The following FER variants were observed in gnomAD, a reference collection of about 807,000 sequenced individuals.
The protein encoded by FER is tyrosine-protein kinase Fer.
A neutral mutation model predicts 111.0 loss-of-function variants in FER; 63 were observed. That is an observed-to-expected ratio of 0.57 (90% confidence interval 0.46 to 0.70). The LOEUF is 0.70. Among genes scored for constraint, FER ranks in the 30% least tolerant of loss-of-function variants. The pLI is 0.00. For synonymous variants in FER, 327 were observed against 313.9 expected (o/e 1.04, Z -0.44); for missense variants, 914 against 954.0 (o/e 0.96, Z 0.55).
At chr5:109,020,582 G>T (rs1157001774) in intron 13 of FER, among the ~76,000 whole-genome samples, 2 of 151,824 alleles carry the variant, frequency 1.3e-5, no homozygotes, top group African/African-American at 4.8e-5. Context: ...ACTAAAATTG[G>T]CTTGCTGGAA....
intron 17 of FER, among the ~76,000 whole-genome samples, chr5:109,163,111 G>A (rs1192743648): frequency 6.6e-6 from 1 of 151,934 alleles, no homozygotes; most frequent in African/African-American, 2.4e-5. Context: ...CTAAATGATC[G>A]ACATTTAGAT....
At chr5:109,096,474 G>GC (rs1747526286) in intron 16 of FER, among the ~76,000 whole-genome samples, 3 of 151,812 alleles carry the variant, frequency 2.0e-5, no homozygotes, top group Admixed American at 2.0e-4. Context: ...GTCACCAATG[G>GC]CTAGTATCTT....
At chr5:108,900,167 T>C (rs1463382814) in intron 10 of FER, among the ~76,000 whole-genome samples, 2 of 152,206 alleles carry the variant, frequency 1.3e-5, no homozygotes, top group African/African-American at 4.8e-5. Flanking sequence ...TAAATTAATA[T>C]TTTACAAATA....
chr5:109,170,035 T>C (rs1310380464), intron 17 of FER, among the ~76,000 whole-genome samples: 3 of 152,212 alleles, frequency 2.0e-5, no homozygotes, highest in Non-Finnish European at 4.4e-5. Context: ...TAAATGTTCT[T>C]GAGGCTCATT....
intron 5 of FER, among the ~76,000 whole-genome samples, chr5:108,859,782 T>C (rs1256138809): frequency 2.0e-5 from 3 of 152,078 alleles, no homozygotes; most frequent in Admixed American, 6.5e-5. Flanking sequence ...GTGTTTTATA[T>C]TGAATTTTTA....
At chr5:109,048,987 T>G (rs1043296965) in intron 16 of FER, among the ~76,000 whole-genome samples, 1 of 152,334 alleles carries the variant, frequency 6.6e-6, no homozygotes, top group Middle Eastern at 3.4e-3. Context: ...GTGGATAGTT[T>G]GGTCATTTTT....
At chr5:108,881,800 A>G (rs1289041301) in intron 8 of FER, among the ~76,000 whole-genome samples, 1 of 151,988 alleles carries the variant, frequency 6.6e-6, no homozygotes, top group African/African-American at 2.4e-5. Flanking sequence ...TCCCATCATG[A>G]GGGCCCCACC....
chr5:109,008,252 T>C (rs114987782), intron 13 of FER, among the ~76,000 whole-genome samples: 6 of 152,354 alleles, frequency 3.9e-5, no homozygotes, highest in Admixed American at 6.5e-5. Context: ...ATGGTAATTA[T>C]TCTTCCTGAC....
chr5:108,783,849 G>C (rs2150002724), intron 2 of FER, among the ~76,000 whole-genome samples: 1 of 152,260 alleles, frequency 6.6e-6, no homozygotes, highest in Middle Eastern at 3.4e-3. Flanking sequence ...CTGCTACCCT[G>C]ATGTCTCTGG....
At chr5:108,755,767 T>G (rs1307459024) in intron 1 of FER, among the ~76,000 whole-genome samples, 1 of 150,814 alleles carries the variant, frequency 6.6e-6, no homozygotes, top group Non-Finnish European at 1.5e-5. Context: ...ATTACAGGCA[T>G]GAGCCACAGT....
At chr5:108,848,160 A>G (rs771519255) in intron 5 of FER, among the ~76,000 whole-genome samples, 2 of 152,174 alleles carry the variant, frequency 1.3e-5, no homozygotes, top group Non-Finnish European at 2.9e-5. Context: ...GAGTACAGGT[A>G]TGAGCCACCA....
chr5:109,092,287 A>G (rs1746888836), intron 16 of FER, among the ~76,000 whole-genome samples: 1 of 78,612 alleles, frequency 1.3e-5, no homozygotes, highest in Non-Finnish European at 2.8e-5. Flanking sequence ...ATGATGGCAA[A>G]AAAAAAAAAA....
chr5:109,019,881 G>T (rs1250434523), intron 13 of FER, among the ~76,000 whole-genome samples: 5 of 151,702 alleles, frequency 3.3e-5, no homozygotes, highest in African/African-American at 1.2e-4. Flanking sequence ...AATGCTGATG[G>T]TAACAATATA....
rs373300790 is a variant in FER at position 108,918,944 on chromosome 5, C to G, written c.1236+21096C>G. Reference sequence around the variant, plus strand: ...ATTCTATACTTGTTTGAGGCTAGATCTGTAAAATTAGTAGGATTTGTTAGT... The same window carrying G: ...ATTCTATACTTGTTTGAGGCTAGATGTGTAAAATTAGTAGGATTTGTTAGT... On this transcript the variant is annotated intron_variant, in intron 10 of 19. Transcript: ENST00000281092. 3.9e-5 allele frequency among the ~76,000 whole-genome samples: 6 copies of G among 152,278 alleles called. No homozygotes were observed. The South Asian group carries it at 6.2e-4, about 16-fold the overall frequency.
In FER at chr5:108,789,852, C is replaced by T. The variant is rs375739419; in HGVS notation, c.-59-8272C>T. Among the ~76,000 whole-genome samples, 146 of 152,216 alleles carry T rather than the reference C, an allele frequency of 9.6e-4. No homozygotes were observed. The South Asian group carries it at 9.8e-3, about 10-fold the overall frequency. On this transcript the variant is annotated intron_variant, in intron 2 of 19. Transcript: ENST00000281092. Reference sequence around the variant, plus strand: ...TCCTGACCTCAAGTGATCCACCTGCCTCAGCCTCCCAAAATGCTGGGATTA... The same window carrying T: ...TCCTGACCTCAAGTGATCCACCTGCTTCAGCCTCCCAAAATGCTGGGATTA...
rs1416803438 is a variant in FER, at chr5:109,194,562, T to C, written c.*6987T>C. The C allele has an allele frequency of 1.3e-5, 2 of 152,172 alleles. No individual in the cohort carries two copies. The highest frequency in any genetic ancestry group is 2.4e-5 in the African/African-American group (1 of 41,434). 9.4% of individuals were successfully genotyped at this position (152,172 alleles called of 1,614,324 possible). A position where few individuals can be genotyped will look rare whatever the true frequency, so the allele number is the denominator to read the frequency against. ...TTCAAATTGTAACCAAAGAAGACAA[T>C]AGAAATCCCACTTTACCCCACTGTC... On this transcript the variant is annotated 3_prime_UTR_variant, in exon 20 of 20. Coordinates refer to ENST00000281092, the MANE Select transcript of FER (RefSeq NM_005246.4).
chr5:108,771,800 T>C (rs1177819396), intron 2 of FER, among the ~76,000 whole-genome samples: 1 of 152,210 alleles, frequency 6.6e-6, no homozygotes, highest in Non-Finnish European at 1.5e-5. Context: ...CTTAAAACTT[T>C]TAGCATGCAG....
At chr5:109,046,691 G>T (rs1772028128) in intron 15 of FER, among the ~76,000 whole-genome samples, 1 of 152,052 alleles carries the variant, frequency 6.6e-6, no homozygotes. Context: ...GATTGCATCT[G>T]TACAGAACAT....
chr5:108,961,604 G>A lies in FER; in HGVS notation c.1656+2257G>A, dbSNP rs187842709. On this transcript the variant is annotated intron_variant, in intron 13 of 19. Coordinates refer to ENST00000281092, the MANE Select transcript of FER (RefSeq NM_005246.4). ...AGGTAGAAATTTAAAGTTTATCTGG[G>A]TATTAACCTAATCTAAAGTACTGGT... Among the ~76,000 whole-genome samples the A allele has an allele frequency of 6.6e-5, 10 of 152,134 alleles. No individual in the cohort carries two copies. In the East Asian group the frequency reaches 1.7e-3, roughly 26 times the overall value.
Sources: allele counts gnomAD v4.1 joint callset (sites outside exome capture counted in the v4.1 genomes callset), GRCh38; gene constraint gnomAD v4.1.1; transcripts MANE v1.5; gene names NCBI Gene and HGNC (gene_info 2026-07-23, HGNC 2026-07-21).